The following RFTN1 variants were observed in gnomAD, a reference collection of about 807,000 sequenced individuals.
RFTN1 encodes raftlin.
In RFTN1, 26 loss-of-function variants were observed where a neutral mutation model predicts 46.5. The ratio of observed to expected loss-of-function variants is 0.56; its 90% CI spans 0.41 to 0.78. RFTN1 has a LOEUF of 0.78. RFTN1 is among the 30% of genes least tolerant of loss of function. The pLI is 0.00. For missense variants in RFTN1, 693 were observed against 718.7 expected, an observed-to-expected ratio of 0.96 and a Z score of 0.41; for synonymous variants, 261 against 284.2, an observed-to-expected ratio of 0.92 and a Z score of 0.82.
rs1203560006 is a variant in RFTN1 at position 16,465,372 on chromosome 3, T to C, written c.145+28353A>G. On this transcript the variant is annotated intron_variant, in intron 2 of 9. Transcript: ENST00000334133. This position sits in a 1 kb window ranked among gnomAD's most constrained non-coding sequence, Gnocchi z 5.1. ...GAACGCTTTCATCAAGGCAATTCTC[T>C]GAGCACAGGAAAAAAATATCCCCAA... is the stretch of plus-strand genomic sequence containing the variant. 6.6e-6 allele frequency among the ~76,000 whole-genome samples: 1 copy of C among 151,584 alleles called. No individual in the cohort carries two copies. The highest frequency in any genetic ancestry group is 1.5e-5 in the Non-Finnish European group (1 of 67,940).
At chr3:16,323,039 G>A (rs1402565630) in intron 9 of RFTN1, among the ~76,000 whole-genome samples, 2 of 152,142 alleles carry the variant, frequency 1.3e-5, no homozygotes, top group Non-Finnish European at 2.9e-5. Context: ...CCATGAGCTC[G>A]AGCCATCCCC....
chr3:16,429,177 T>A lies in RFTN1; in HGVS notation c.332+4674A>T, dbSNP rs546008691. Among the ~76,000 whole-genome samples, 3 of 152,222 alleles carry A rather than the reference T, an allele frequency of 2.0e-5. No homozygotes were observed. The highest frequency in any genetic ancestry group is 4.4e-5 in the Non-Finnish European group (3 of 68,032). ...CTAGGCCTGCCATGGTAAAATGAAA[T>A]GGCAGTTATTAGAATTTTCAGAAGA... On this transcript the variant is annotated intron_variant, in intron 3 of 9. Transcript: ENST00000334133. The surrounding 1 kb of genome is among the most constrained non-coding windows in gnomAD (Gnocchi z 6.4).
At chr3:16,324,976 G>A (rs1202276881) in intron 8 of RFTN1, among the ~76,000 whole-genome samples, 3 of 151,522 alleles carry the variant, frequency 2.0e-5, no homozygotes, top group African/African-American at 7.3e-5. Context: ...CTATACCCTT[G>A]TCTTTTTTAT....
rs2074877093 is a variant in RFTN1, at chr3:16,407,100, A to G, written c.441+2275T>C. Among the ~76,000 whole-genome samples the G allele has an allele frequency of 6.6e-6, 1 of 152,216 alleles. No individual in the cohort carries two copies. Among genetic ancestry groups the G allele is most frequent in the South Asian group, 2.1e-4 (1 of 4,834 alleles). Reference sequence around the variant, plus strand: ...CGCAAATCGGGCTGTTTCCTGAAGAACTGAGACAGGACCACTGCAATGGGT... The same window carrying G: ...CGCAAATCGGGCTGTTTCCTGAAGAGCTGAGACAGGACCACTGCAATGGGT... On this transcript the variant is annotated intron_variant, in intron 4 of 9. Coordinates refer to ENST00000334133, the MANE Select transcript of RFTN1 (RefSeq NM_015150.2). This position sits in a 1 kb window ranked among gnomAD's most constrained non-coding sequence, Gnocchi z 4.0.
rs1347909330 is a variant in RFTN1 at position 16,385,822 on chromosome 3, C to T, written c.442-7720G>A. On this transcript the variant is annotated intron_variant, in intron 4 of 9. Transcript: ENST00000334133. The surrounding 1 kb of genome is among the most constrained non-coding windows in gnomAD (Gnocchi z 5.0). The stretch of plus-strand genomic sequence containing the variant: ...TCAGTGTATGCCCATCAGCAGAATT[C>T]AACATATGTGTGGTTGTCTGCATTC... Among the ~76,000 whole-genome samples, 1 of 152,124 alleles carries T rather than the reference C, an allele frequency of 6.6e-6. No homozygotes were observed. The highest frequency in any genetic ancestry group is 1.9e-4 in the East Asian group (1 of 5,186).
At chr3:16,391,418 T>A (rs1245792355) in intron 4 of RFTN1, among the ~76,000 whole-genome samples, 1 of 152,200 alleles carries the variant, frequency 6.6e-6, no homozygotes, top group Non-Finnish European at 1.5e-5. Flanking sequence ...TTTAAACACA[T>A]AAGAAGTCAA....
At chr3:16,408,967 A>C (rs1024629486) in intron 4 of RFTN1, among the ~76,000 whole-genome samples, 1 of 152,224 alleles carries the variant, frequency 6.6e-6, no homozygotes, top group South Asian at 2.1e-4. Flanking sequence ...GGTATGTTCG[A>C]ATGTGGGTGG....
rs1330364939 is a variant in RFTN1 at position 16,387,190 on chromosome 3, A to G, written c.442-9088T>C. ...CTTTCTCTGTCTGACACATCCCACA[A>G]ATGTCGCATCCATCCAGTCCACCCA... On this transcript the variant is annotated intron_variant, in intron 4 of 9. Transcript: ENST00000334133. The surrounding 1 kb of genome is among the most constrained non-coding windows in gnomAD (Gnocchi z 5.2). 6.6e-6 allele frequency among the ~76,000 whole-genome samples: 1 copy of G among 152,088 alleles called. No homozygotes were observed. Among genetic ancestry groups the G allele is most frequent in the Non-Finnish European group, 1.5e-5 (1 of 68,012 alleles).
intron 1 of RFTN1, among the ~76,000 whole-genome samples, chr3:16,508,194 C>A (rs1251670509): frequency 1.3e-5 from 2 of 152,220 alleles, no homozygotes. Flanking sequence ...TACACCCCAG[C>A]AGAGGTGACA....
At position 16,386,941 on chromosome 3, in the gene RFTN1, AAAC is replaced by A. The variant is rs538349933; in HGVS notation, c.442-8842_442-8840del. Among the ~76,000 whole-genome samples, 1,365 of 152,354 alleles carry A rather than the reference AAAC, an allele frequency of 9.0e-3. 4 individuals are homozygous for A. Among genetic ancestry groups the A allele is most frequent in the Non-Finnish European group, 0.014 (975 of 68,036 alleles). ...ACACACCATGGGATGCTGATTTGTC[AAAC>A]AACTGAAGCAAAAAGTAAAATAATA... On this transcript the variant is annotated intron_variant, in intron 4 of 9. Transcript: ENST00000334133.
Position 16,498,868 on chromosome 3 carries a change from AAGT to A in RFTN1, c.-8-4994_-8-4992del, listed in dbSNP as rs142387225. Among the ~76,000 whole-genome samples the A allele has an allele frequency of 9.2e-3, 1,404 of 152,342 alleles. 21 individuals carry two copies. Among genetic ancestry groups the A allele is most frequent in the African/African-American group, 0.032 (1,344 of 41,558 alleles). On this transcript the variant is annotated intron_variant, in intron 1 of 9. Transcript: ENST00000334133. The surrounding 1 kb of genome is among the most constrained non-coding windows in gnomAD (Gnocchi z 5.2). Reference sequence around the variant, plus strand: ...AAGTCAGAAAAATCTAGCTTATAAAAAGTAGGAAAAATCAGCTGTAACAGTGAC... The same window carrying A: ...AAGTCAGAAAAATCTAGCTTATAAAAAGGAAAAATCAGCTGTAACAGTGAC...
In RFTN1 at chr3:16,316,959, C is replaced by G; in HGVS notation, c.1606G>C (p.Val536Leu). Residue 536 changes from valine to leucine, a missense_variant, in exon 10 of 10, where the codon GTG becomes CTG. Transcript: ENST00000334133. This position sits in a 1 kb window ranked among gnomAD's most constrained non-coding sequence, Gnocchi z 4.5. ...CTGTGGCTGGCAGGACCATTCTGCA[C>G]AGCCTCACCCTCCACACCCACCCCA... ...LCGVGVEGEA[V>L]QNGPASHSRA... 3 of 1,614,030 alleles carry G rather than the reference C, an allele frequency of 1.9e-6. No homozygotes were observed. The highest frequency in any genetic ancestry group is 2.5e-6 in the Non-Finnish European group (3 of 1,180,026).
rs1212832018 is a variant in RFTN1, at chr3:16,342,410, T to C, written c.1146+15522A>G. 6.6e-6 allele frequency among the ~76,000 whole-genome samples: 1 copy of C among 152,280 alleles called. No individual in the cohort carries two copies. Among genetic ancestry groups the C allele is most frequent in the Non-Finnish European group, 1.5e-5 (1 of 68,052 alleles). On this transcript the variant is annotated intron_variant, in intron 7 of 9. Transcript: ENST00000334133. The surrounding 1 kb of genome is among the most constrained non-coding windows in gnomAD (Gnocchi z 4.0). ...GCAAAATAATATTCCATCATATGGA[T>C]ATACCATAGTTTATTCATCATTTGA...
At position 16,334,340 on chromosome 3, in the gene RFTN1, G is replaced by T. The variant is rs1294093203; in HGVS notation, c.1147-7464C>A. ...AGGGCTCATTGATTCAACCCTCCTGGAGAACAGTTTGACAGTATCTTTCAA... is the reference window on the plus strand; with the variant it reads ...AGGGCTCATTGATTCAACCCTCCTGTAGAACAGTTTGACAGTATCTTTCAA... On this transcript the variant is annotated intron_variant, in intron 7 of 9. Transcript: ENST00000334133. This position sits in a 1 kb window ranked among gnomAD's most constrained non-coding sequence, Gnocchi z 4.3. 1.3e-5 allele frequency among the ~76,000 whole-genome samples: 2 copies of T among 152,196 alleles called. No individual in the cohort carries two copies. Among genetic ancestry groups the T allele is most frequent in the Non-Finnish European group, 2.9e-5 (2 of 68,024 alleles).
chr3:16,472,750 T>C lies in RFTN1; in HGVS notation c.145+20975A>G, dbSNP rs1043037265. On this transcript the variant is annotated intron_variant, in intron 2 of 9. Transcript: ENST00000334133. ...AGGAGGGCTTTGTCCCAACACATGA[T>C]GATCTTCACAGGCTGACATTCTGGT... is the stretch of plus-strand genomic sequence containing the variant. Among the ~76,000 whole-genome samples, 92 of 152,234 alleles carry C rather than the reference T, an allele frequency of 6.0e-4. 5 individuals carry two copies. The highest frequency in any genetic ancestry group is 5.9e-5 in the Non-Finnish European group (4 of 68,038).
intron 4 of RFTN1, among the ~76,000 whole-genome samples, chr3:16,391,062 A>C (rs2074332143): frequency 6.6e-6 from 1 of 152,030 alleles, no homozygotes; most frequent in African/African-American, 2.4e-5. Flanking sequence ...CTACCACCCC[A>C]TCAATACCAC....
chr3:16,319,874 G>T (rs1390894405), intron 9 of RFTN1, among the ~76,000 whole-genome samples: 1 of 152,212 alleles, frequency 6.6e-6, no homozygotes, highest in Admixed American at 6.5e-5. Flanking sequence ...AGGCAGGCAA[G>T]TCCAGCCTGG....
intron 1 of RFTN1, among the ~76,000 whole-genome samples, chr3:16,511,536 C>G (rs1205618521): frequency 1.3e-5 from 2 of 152,094 alleles, no homozygotes; most frequent in Non-Finnish European, 2.9e-5. Context: ...TTTTCTATAT[C>G]TTAAAAAATG....
At chr3:16,434,802 G>C (rs1316935907) in intron 2 of RFTN1, 1 of 151,986 alleles carries the variant, frequency 6.6e-6, no homozygotes, top group Non-Finnish European at 1.5e-5. Context: ...TTAAGACAAA[G>C]GGCTAATTTC....
Sources: allele counts gnomAD v4.1 joint callset (sites outside exome capture counted in the v4.1 genomes callset), GRCh38; gene constraint gnomAD v4.1.1; non-coding constraint Gnocchi (gnomAD v3.1); transcripts MANE v1.5; gene names NCBI Gene and HGNC (gene_info 2026-07-23, HGNC 2026-07-21).